The following MMEL1 variants were observed in gnomAD, a reference collection of about 807,000 sequenced individuals.
MMEL1 encodes membrane metalloendopeptidase like 1, also known as membrane metallo-endopeptidase-like 1.
MMEL1 carries 98 observed loss-of-function variants against 117.1 expected under a neutral mutation model. That is an observed-to-expected ratio of 0.84 (90% CI 0.71 to 0.99). The LOEUF (loss-of-function observed/expected upper bound fraction) is 0.99, where lower values mean the gene tolerates loss of function less well. MMEL1 is among the 50% of genes least tolerant of loss of function. The probability of loss-of-function intolerance (pLI) is 0.00; values close to 1 mark genes in which losing one functional copy is unlikely to be tolerated. For synonymous variants in MMEL1, 390 were observed against 415.1 expected, an observed-to-expected ratio of 0.94 and a Z score of 0.74; for missense variants, 1,014 against 1,049.1, an observed-to-expected ratio of 0.97 and a Z score of 0.46.
chr1:2,604,631 T>A (rs1644992194), intron 9 of MMEL1, among the ~76,000 whole-genome samples: 1 of 151,658 alleles, frequency 6.6e-6, no homozygotes, highest in Non-Finnish European at 1.5e-5. Context: ...GGGCTGTGGG[T>A]GCCAGGGTGG....
chr1:2,591,602 G>A lies in MMEL1; in HGVS notation c.2195C>T (p.Ala732Val). 6.2e-7 allele frequency: 1 copy of A among 1,613,444 alleles called. No individual in the cohort carries two copies. The stretch of plus-strand genomic sequence containing the variant: ...GACGTCTGTCTTGATGGATTGGATG[G>A]CGAACTCGGGCCGGTAGGACCCGCA... ...VWCGSYRPEF[A>V]IQSIKTDVHS... The change falls in exon 23 of 24, where the codon GCC becomes GTC. Residue 732 changes from alanine (A) to valine (V), a missense_variant. Physicochemically the swap from Ala to Val is moderately conservative, Grantham distance 64 (BLOSUM62 0). Coordinates refer to ENST00000378412, the MANE Select transcript of MMEL1 (RefSeq NM_033467.4).
At chr1:2,598,388 G>A (rs546592996) in intron 12 of MMEL1, 88 bp from the exon 13 acceptor site, 15 of 1,374,768 alleles carry the variant, frequency 1.1e-5, no homozygotes, top group South Asian at 9.6e-5. Context: ...TGGCCAGCAC[G>A]TTCCACCCCA....
chr1:2,596,742 C>T (rs1644848675), intron 13 of MMEL1, 53 bp from the exon 14 acceptor site: 2 of 1,602,338 alleles, frequency 1.2e-6, no homozygotes, highest in Non-Finnish European at 1.7e-6. Context: ...CTTCCCAGGC[C>T]TGGCGTGGGG....
intron 18 of MMEL1, 44 bp from the exon 19 acceptor site, chr1:2,593,977 A>C (rs761888991): frequency 6.5e-7 from 1 of 1,547,646 alleles, no homozygotes; most frequent in Non-Finnish European, 8.7e-7. Context: ...GAGTGGACAC[A>C]TCTCCTGTGT....
chr1:2,628,809 G>C (rs546275156), intron 2 of MMEL1, among the ~76,000 whole-genome samples: 1 of 152,284 alleles, frequency 6.6e-6, no homozygotes, highest in South Asian at 2.1e-4. Context: ...CCTTCCCGCC[G>C]TGGTCCCGTG....
At position 2,595,831 on chromosome 1, in the gene MMEL1, G is replaced by T. The variant is rs1430906870; in HGVS notation, c.1500+178C>A. Reference sequence around the variant, plus strand: ...GGTCCTGTCTGCGCCTCCCGGGGCTGCCTTCTCCCCGTGGGGTCCTGTCTG... The same window carrying T: ...GGTCCTGTCTGCGCCTCCCGGGGCTTCCTTCTCCCCGTGGGGTCCTGTCTG... On this transcript the variant is annotated intron_variant, in intron 15 of 23. Coordinates refer to ENST00000378412, the MANE Select transcript of MMEL1 (RefSeq NM_033467.4). The surrounding 1 kb of genome is among the most constrained non-coding windows in gnomAD (Gnocchi z 4.8). 6.8e-6 allele frequency among the ~76,000 whole-genome samples: 1 copy of T among 145,990 alleles called. No homozygotes were observed. The highest frequency in any genetic ancestry group is 2.7e-5 in the African/African-American group (1 of 37,718).
At chr1:2,611,171 C>A in intron 4 of MMEL1, 110 bp downstream of exon 4, 4 of 1,119,264 alleles carry the variant, frequency 3.6e-6, no homozygotes, top group Non-Finnish European at 3.8e-6. Flanking sequence ...CTCCACCGCC[C>A]GCCGTGTCTT....
At chr1:2,598,563 G>T (rs932619929) in intron 12 of MMEL1, 91 bp downstream of exon 12, 1 of 1,573,022 alleles carries the variant, frequency 6.4e-7, no homozygotes. Context: ...GCTTCATAGG[G>T]TCCCCTCCTG....
chr1:2,611,340 C>T lies in MMEL1; in HGVS notation c.233G>A (p.Gly78Glu). 1 of 1,534,948 alleles carries T rather than the reference C, an allele frequency of 6.5e-7. No individual in the cohort carries two copies. Among genetic ancestry groups the T allele is most frequent in the South Asian group, 1.2e-5 (1 of 80,490 alleles). Residue 78 changes from glycine to glutamate, a missense_variant and splice_region_variant, in exon 4 of 24, where the codon GGG (glycine) becomes GAG (glutamate). Coordinates refer to ENST00000378412, the MANE Select transcript of MMEL1 (RefSeq NM_033467.4). ...ERTFVKRKPR[G>E]IPEAQEVSEV... ...GCTCACCTCTTGGGCCTCTGGGATC[C>T]CTGCGGGCAAGGAGCAGCCTGAGCA... is the stretch of plus-strand genomic sequence containing the variant.
intron 7 of MMEL1, 80 bp from the exon 8 acceptor site, chr1:2,606,446 C>T (rs1458658050): frequency 5.5e-6 from 6 of 1,083,776 alleles, no homozygotes; most frequent in Non-Finnish European, 8.2e-6. Flanking sequence ...ATCTGGCCTC[C>T]GGAGCCAGGA....
Position 2,596,546 on chromosome 1 carries a change from A to T in MMEL1, c.1401+15T>A. 1.9e-6 allele frequency: 3 copies of T among 1,606,358 alleles called. No individual in the cohort carries two copies. The highest frequency in any genetic ancestry group is 1.7e-6 in the Non-Finnish European group (2 of 1,179,388). ...AAGGCTGGCCCCGCGTGGGCCATGG[A>T]TGAGGGGCGCCCACCATGCTCTTGC... On this transcript the variant is annotated intron_variant, in intron 14 of 23. Transcript: ENST00000378412.
At position 2,612,010 on chromosome 1, in the gene MMEL1, C is replaced by G. The variant is rs548510644; in HGVS notation, c.232+117G>C. 3.6e-4 allele frequency: 326 copies of G among 895,554 alleles called. 2 individuals are homozygous for G. The highest frequency in any genetic ancestry group is 1.8e-3 in the Middle Eastern group (8 of 4,556). 55.5% of individuals were successfully genotyped at this position (895,554 alleles called of 1,614,324 possible). A position where few individuals can be genotyped will look rare whatever the true frequency, so the allele number is the denominator to read the frequency against. On this transcript the variant is annotated intron_variant, in intron 3 of 23. Transcript: ENST00000378412. This position sits in a 1 kb window ranked among gnomAD's most constrained non-coding sequence, Gnocchi z 5.4. Reference sequence around the variant, plus strand: ...CCACTGTCCTCTCCCCATGGCCCTCCTCCGGCACATGAGGGTTGGGCAGAA... The same window carrying G: ...CCACTGTCCTCTCCCCATGGCCCTCGTCCGGCACATGAGGGTTGGGCAGAA...
intron 18 of MMEL1, 184 bp downstream of exon 18, chr1:2,594,201 C>T: frequency 1.2e-6 from 1 of 813,494 alleles, no homozygotes; most frequent in Non-Finnish European, 2.0e-6. Context: ...CAAGTCCCTC[C>T]CGAAGCCGCT....
intron 8 of MMEL1, 67 bp from the exon 9 acceptor site, chr1:2,605,690 C>A: frequency 8.4e-7 from 1 of 1,192,676 alleles, no homozygotes; most frequent in South Asian, 1.3e-5. Context: ...CTGAGGCAGG[C>A]TGCAGCCGCC....
At chr1:2,599,616 G>A (rs953812983) in intron 11 of MMEL1, among the ~76,000 whole-genome samples, 10 of 152,240 alleles carry the variant, frequency 6.6e-5, no homozygotes, top group African/African-American at 2.4e-4. Context: ...CCAACACTTT[G>A]GGAGGTCGAG....
At chr1:2,614,512 C>G (rs1276011125) in intron 2 of MMEL1, among the ~76,000 whole-genome samples, 1 of 152,118 alleles carries the variant, frequency 6.6e-6, no homozygotes, top group African/African-American at 2.4e-5. Context: ...TCAGAATGGT[C>G]CATGTGGTGG....
At chr1:2,621,189 G>A (rs1645284171) in intron 2 of MMEL1, among the ~76,000 whole-genome samples, 1 of 152,220 alleles carries the variant, frequency 6.6e-6, no homozygotes, top group Non-Finnish European at 1.5e-5. Flanking sequence ...GGAGGCTGAG[G>A]TGGGAGGATC....
At position 2,598,259 on chromosome 1, in the gene MMEL1, C is replaced by T. The variant is rs899777651; in HGVS notation, c.1220G>A (p.Arg407His). ...NYLVWRLVLD[R>H]IGSLSQRFKD... Reference sequence around the variant, plus strand: ...GAATCTCTGGCTTAGGCTACCAATGCGGTCCAGCACCAGGCGCCAGACCAG... The same window carrying T: ...GAATCTCTGGCTTAGGCTACCAATGTGGTCCAGCACCAGGCGCCAGACCAG... The change falls in exon 13 of 24, where the codon CGC (arginine) becomes CAC (histidine). Residue 407 changes from arginine to histidine, a missense_variant. Coordinates refer to ENST00000378412, the MANE Select transcript of MMEL1 (RefSeq NM_033467.4). The T allele has an allele frequency of 2.9e-5, 47 of 1,613,976 alleles. No individual in the cohort carries two copies. The highest frequency in any genetic ancestry group is 4.0e-5 in the African/African-American group (3 of 74,926).
chr1:2,630,440 G>A (rs922456746), intron 1 of MMEL1, among the ~76,000 whole-genome samples: 2 of 152,214 alleles, frequency 1.3e-5, no homozygotes, highest in African/African-American at 4.8e-5. Flanking sequence ...GACTGCATGA[G>A]CGTGAACGTG....
Sources: gnomAD v4.1 joint callset for allele counts (sites outside exome capture counted in the v4.1 genomes callset) on GRCh38, gnomAD v4.1.1 for gene constraint, Gnocchi (gnomAD v3.1) non-coding constraint, MANE v1.5 for transcripts, NCBI Gene and HGNC (gene_info 2026-07-23, HGNC 2026-07-21) for gene names.